The following LRP1B variants were observed in gnomAD, a reference collection of about 807,000 sequenced individuals.
LRP1B encodes the protein low-density lipoprotein receptor-related protein 1B.
A neutral mutation model predicts 556.6 loss-of-function variants in LRP1B; 217 were observed. The observed-to-expected ratio is 0.39, with a 90% CI of 0.35 to 0.44. The LOEUF is 0.44. Among genes scored for constraint, LRP1B ranks in the 20% least tolerant of loss-of-function variants. The probability of loss-of-function intolerance (pLI) is 1.00; values close to 1 mark genes in which losing one functional copy is unlikely to be tolerated. For missense variants in LRP1B, 5,053 were observed against 5,620.8 expected (o/e 0.90, Z 3.23); for synonymous variants, 2,047 against 1,865.8 (o/e 1.10, Z -2.50).
intron 68 of LRP1B, 143 bp from the exon 69 acceptor site, chr2:140,373,280 A>T (rs1683073374): frequency 1.4e-6 from 1 of 701,456 alleles, no homozygotes; most frequent in Non-Finnish European, 2.3e-6. Context: ...CAAAAACAAC[A>T]TAGATGTAAT....
At chr2:140,355,578 G>C (rs1026910585) in intron 75 of LRP1B, among the ~76,000 whole-genome samples, 1 of 151,846 alleles carries the variant, frequency 6.6e-6, no homozygotes, top group Non-Finnish European at 1.5e-5. Context: ...ATATCACAAA[G>C]AGACATAACA....
intron 2 of LRP1B, among the ~76,000 whole-genome samples, chr2:141,646,141 A>C (rs1211346704): frequency 6.6e-6 from 1 of 152,144 alleles, no homozygotes; most frequent in Non-Finnish European, 1.5e-5. Context: ...CTATTTGCAT[A>C]TAATTAGAAA....
intron 8 of LRP1B, among the ~76,000 whole-genome samples, chr2:141,060,271 C>T (rs1049924206): frequency 6.6e-6 from 1 of 151,526 alleles, no homozygotes; most frequent in Non-Finnish European, 1.5e-5. Flanking sequence ...ATGCTTAGGT[C>T]GGACATAAAA....
chr2:141,618,079 C>G (rs1688374486), intron 2 of LRP1B, among the ~76,000 whole-genome samples: 1 of 152,076 alleles, frequency 6.6e-6, no homozygotes, highest in African/African-American at 2.4e-5. Flanking sequence ...ATATGTGAGT[C>G]AATATTCATG....
intron 35 of LRP1B, among the ~76,000 whole-genome samples, chr2:140,746,815 C>T (rs919106017): frequency 6.6e-6 from 1 of 151,636 alleles, no homozygotes; most frequent in Non-Finnish European, 1.5e-5. Context: ...AATATTTTGG[C>T]CTTACTTTCA....
rs1292717405 is a variant in LRP1B, at chr2:140,487,700, C to T, written c.9160G>A (p.Glu3054Lys). The change falls in exon 58 of 91, where the codon GAA becomes AAA. Residue 3054 changes from glutamate to lysine, a missense_variant. By Grantham distance (56) the Glu-to-Lys change is moderately conservative. Around this residue, in one of 5 missense-constraint regions of LRP1B, gnomAD observed 3,619 missense variants for 3,931.9 expected, o/e 0.92. Transcript: ENST00000389484. ...GAATCGATCCAATAGATGAATTCTT[C>T]TCTGTAATCAAAGTCTATAGCAATA... ...NVIAIDFDYR[E>K]EFIYWIDSSR... is the part of the protein sequence containing the mutation. The T allele has an allele frequency of 1.9e-6, 3 of 1,583,686 alleles. No homozygotes were observed. Among genetic ancestry groups the T allele is most frequent in the East Asian group, 2.3e-5 (1 of 44,352 alleles).
At chr2:140,922,772 G>A (rs563512639) in intron 21 of LRP1B, among the ~76,000 whole-genome samples, 193 bp downstream of exon 21, 20 of 152,112 alleles carry the variant, frequency 1.3e-4, no homozygotes, top group Non-Finnish European at 2.5e-4. Context: ...AATCCAATGC[G>A]GAGAACATTC....
At chr2:141,005,663 T>TA (rs1697552428) in intron 14 of LRP1B, among the ~76,000 whole-genome samples, 1 of 151,932 alleles carries the variant, frequency 6.6e-6, no homozygotes, top group African/African-American at 2.4e-5. Context: ...ATTTTCTCAT[T>TA]AATTGGAGGA....
intron 59 of LRP1B, among the ~76,000 whole-genome samples, chr2:140,479,218 CT>C (rs892617744): frequency 1.3e-3 from 194 of 151,486 alleles, no homozygotes; most frequent in African/African-American, 4.5e-3. Context: ...TATTGCTATA[CT>C]TTTTTTTTCT....
chr2:140,751,388 G>A (rs1310183699), intron 35 of LRP1B, among the ~76,000 whole-genome samples: 1 of 152,040 alleles, frequency 6.6e-6, no homozygotes, highest in Non-Finnish European at 1.5e-5. Context: ...AATGAACCTA[G>A]GTTTTTTAAA....
At chr2:140,713,128 G>T (rs1411752081) in intron 37 of LRP1B, among the ~76,000 whole-genome samples, 3 of 151,926 alleles carry the variant, frequency 2.0e-5, no homozygotes. Context: ...TCCAACTACT[G>T]ATTCCATGTA....
intron 27 of LRP1B, among the ~76,000 whole-genome samples, chr2:140,861,774 C>CTT (rs1692804837): frequency 6.6e-6 from 1 of 152,180 alleles, no homozygotes; most frequent in Admixed American, 6.5e-5. Context: ...TATCACTGAC[C>CTT]TTTTTCCAGG....
intron 1 of LRP1B, among the ~76,000 whole-genome samples, chr2:141,902,702 T>A (rs1232088382): frequency 7.2e-6 from 1 of 138,848 alleles, no homozygotes; most frequent in Non-Finnish European, 1.6e-5. Flanking sequence ...AATGAACAAA[T>A]GTAGTTGTGT....
At chr2:141,709,597 G>C (rs1363603455) in intron 2 of LRP1B, among the ~76,000 whole-genome samples, 1 of 152,086 alleles carries the variant, frequency 6.6e-6, no homozygotes, top group Admixed American at 6.6e-5. Context: ...GATAGAAAAA[G>C]TATTAAGACG....
At position 140,870,349 on chromosome 2, in the gene LRP1B, C is replaced by T. The variant is rs1693089923; in HGVS notation, c.4170-2086G>A. Among the ~76,000 whole-genome samples, 4 of 152,116 alleles carry T rather than the reference C, an allele frequency of 2.6e-5. No homozygotes were observed. The South Asian group carries it at 8.3e-4, about 31-fold the overall frequency. On this transcript the variant is annotated intron_variant, in intron 25 of 90. Coordinates refer to ENST00000389484, the MANE Select transcript of LRP1B (RefSeq NM_018557.3). Reference sequence around the variant, plus strand: ...CAGGACGTTGTCTATTGTTTGAGCTCATTCAATTCCCCTGAAAATTATATA... The same window carrying T: ...CAGGACGTTGTCTATTGTTTGAGCTTATTCAATTCCCCTGAAAATTATATA...
chr2:140,271,142 A>T (rs963538196), intron 85 of LRP1B, among the ~76,000 whole-genome samples: 1 of 150,632 alleles, frequency 6.6e-6, no homozygotes, highest in African/African-American at 2.5e-5. Context: ...GCCATGTTAC[A>T]TTTTTTTAAA....
chr2:141,875,421 T>C (rs1239931916), intron 1 of LRP1B, among the ~76,000 whole-genome samples: 3 of 152,016 alleles, frequency 2.0e-5, no homozygotes, highest in Admixed American at 1.3e-4. Flanking sequence ...GTTTTTCTTG[T>C]AAAATATTTA....
chr2:142,114,589 A>C (rs1434100588), intron 1 of LRP1B, among the ~76,000 whole-genome samples: 1 of 152,152 alleles, frequency 6.6e-6, no homozygotes, highest in Non-Finnish European at 1.5e-5. Flanking sequence ...TCGGTCATGA[A>C]AAATAATACA....
At chr2:140,238,403 T>C in intron 88 of LRP1B, 107 bp from the exon 89 acceptor site, 1 of 582,036 alleles carries the variant, frequency 1.7e-6, no homozygotes, top group Non-Finnish European at 2.8e-6. Context: ...ATAAATTGAA[T>C]AAATGACATT....
Sources: allele counts gnomAD v4.1 joint callset (sites outside exome capture counted in the v4.1 genomes callset), GRCh38; gene constraint gnomAD v4.1.1; regional missense constraint gnomAD v4.1.1; transcripts MANE v1.5; gene names NCBI Gene and HGNC (gene_info 2026-07-23, HGNC 2026-07-21).